The following PRRC2B variants were observed in gnomAD, a reference collection of about 807,000 sequenced individuals.
PRRC2B encodes the protein proline rich coiled-coil 2B.
Under a neutral mutation model 242.3 loss-of-function variants are expected in PRRC2B, and 68 were observed. The ratio of observed to expected loss-of-function variants is 0.28; its 90% CI spans 0.23 to 0.34. The LOEUF (loss-of-function observed/expected upper bound fraction) is 0.34, where lower values mean the gene tolerates loss of function less well. Ranked by LOEUF, PRRC2B falls within the 10% of genes least tolerant of loss-of-function variation. The pLI is 1.00. For missense variants in PRRC2B, 2,835 were observed against 2,954.8 expected, an observed-to-expected ratio of 0.96 and a Z score of 0.94; for synonymous variants, 1,228 against 1,173.6, an observed-to-expected ratio of 1.05 and a Z score of -0.95.
rs11243397 is a variant in PRRC2B, at chr9:131,439,930, A to G, written c.469+869A>G. On this transcript the variant is annotated intron_variant, in intron 5 of 31. Coordinates refer to ENST00000683519, the MANE Select transcript of PRRC2B (RefSeq NM_013318.4). ...TTTTTTTTTTCTTTCCATTCTGAGT[A>G]GAGACAAGATTTCACTATGTTGCCC... Among the ~76,000 whole-genome samples, 27 of 150,936 alleles carry G rather than the reference A, an allele frequency of 1.8e-4. 1 individual carries two copies. In the East Asian group the frequency reaches 4.5e-3, roughly 25 times the overall value.
At chr9:131,393,523 A>G (rs563630466), upstream of PRRC2B, among the ~76,000 whole-genome samples, 4 of 152,346 alleles carry the variant, frequency 2.6e-5, no homozygotes, top group South Asian at 8.3e-4. Context: ...AAGTACCCAT[A>G]TTGTGCAACA....
intron 6 of PRRC2B, among the ~76,000 whole-genome samples, chr9:131,445,942 G>A (rs989496567): frequency 6.6e-6 from 1 of 152,206 alleles, no homozygotes; most frequent in African/African-American, 2.4e-5. Context: ...TGGGCTGGGG[G>A]ATCTTTATTA....
chr9:131,410,517 A>G (rs1438115161), intron 1 of PRRC2B, among the ~76,000 whole-genome samples: 1 of 152,194 alleles, frequency 6.6e-6, no homozygotes, highest in Non-Finnish European at 1.5e-5. Context: ...CCAGTGCCCA[A>G]CACTGCCCAA....
rs1363242363 is a variant in PRRC2B at position 131,420,451 on chromosome 9, CTTTT to C, written c.-51-9641_-51-9638del. 1.1e-3 allele frequency among the ~76,000 whole-genome samples: 48 copies of C among 44,384 alleles called. 3 individuals are homozygous for C. Among genetic ancestry groups the C allele is most frequent in the East Asian group, 3.4e-3 (5 of 1,464 alleles). 29.1% of individuals were successfully genotyped at this position (44,384 alleles called of 152,430 possible). ...GCTTTTCTTTTTTCTTTTTCTTTTTCTTTTTCTTTCTTTCTTTCTTTCTTTCTTT... is the reference window on the plus strand; with the variant it reads ...GCTTTTCTTTTTTCTTTTTCTTTTTCTCTTTCTTTCTTTCTTTCTTTCTTT... On this transcript the variant is annotated intron_variant, in intron 1 of 31. Coordinates refer to ENST00000683519, the MANE Select transcript of PRRC2B (RefSeq NM_013318.4).
intron 1 of PRRC2B, among the ~76,000 whole-genome samples, chr9:131,378,632 C>T (rs886718083): frequency 6.6e-5 from 10 of 152,170 alleles, no homozygotes; most frequent in African/African-American, 2.2e-4. Flanking sequence ...CCATTCTCTT[C>T]AGAGGAGAAA....
At chr9:131,478,707 T>C (rs1236719137) in intron 18 of PRRC2B, 88 bp downstream of exon 18, 2 of 905,586 alleles carry the variant, frequency 2.2e-6, no homozygotes, top group African/African-American at 3.3e-5. Flanking sequence ...AAGGGAGTTC[T>C]CGGTCAAGCT....
rs1473997024 is a variant in PRRC2B, at chr9:131,446,575, A to G, written c.788A>G (p.Lys263Arg). 1 of 1,613,806 alleles carries G rather than the reference A, an allele frequency of 6.2e-7. No homozygotes were observed. Among genetic ancestry groups the G allele is most frequent in the African/African-American group, 1.3e-5 (1 of 74,896 alleles). ...CTCCGCCCGGCTCAGCCTGTCCGAA[A>G]AGGGGCTTCACAGTTCATGGGAAAT... ...PSLRPAQPVR[K>R]GASQFMGNVY... The change falls in exon 7 of 32, where the codon AAA becomes AGA. Residue 263 changes from lysine to arginine, a missense_variant. Lys to Arg is a conservative substitution (Grantham distance 26, BLOSUM62 2). Around this residue, in one of 7 missense-constraint regions of PRRC2B, gnomAD observed 626 missense variants for 685.5 expected, o/e 0.91. Coordinates refer to ENST00000683519, the MANE Select transcript of PRRC2B (RefSeq NM_013318.4). This position sits in a 1 kb window ranked among gnomAD's most constrained non-coding sequence, Gnocchi z 4.1.
chr9:131,455,929 A>G (rs1405026846), intron 10 of PRRC2B, among the ~76,000 whole-genome samples: 3 of 152,054 alleles, frequency 2.0e-5, no homozygotes, highest in Non-Finnish European at 4.4e-5. Context: ...CCTGCCCAAG[A>G]TGGTGAAACC....
rs531120633 is a variant in PRRC2B at position 131,470,635 on chromosome 9, C to T, written c.1912-153C>T. ...AAGCTGTAACACACTGGGGGCTTCC[C>T]CTTGAGCAGCTGCCCATCCCTCCCC... On this transcript the variant is annotated intron_variant, in intron 13 of 31. Transcript: ENST00000683519. Among the ~76,000 whole-genome samples, 75 of 152,198 alleles carry T rather than the reference C, an allele frequency of 4.9e-4. No individual in the cohort carries two copies. The South Asian group carries it at 9.6e-3, about 19-fold the overall frequency.
In PRRC2B at chr9:131,448,545, A is replaced by AAAAAAAAAAAAAAAAAAC. The variant is rs1564287268; in HGVS notation, c.1120+758_1120+759insCAAAAAAAAAAAAAAAAA. On this transcript the variant is annotated intron_variant, in intron 9 of 31. Transcript: ENST00000683519. ...GGCGACAGAGGGAGACACTGTCTCA[A>AAAAAAAAAAAAAAAAAAC]AAAAAAAAAAAAAAAAAAAAAAAAA... Among the ~76,000 whole-genome samples, 3 of 100,486 alleles carry AAAAAAAAAAAAAAAAAAC rather than the reference A, an allele frequency of 3.0e-5. 1 individual carries two copies. Among genetic ancestry groups the AAAAAAAAAAAAAAAAAAC allele is most frequent in the Non-Finnish European group, 2.0e-5 (1 of 49,606 alleles). 65.9% of individuals were successfully genotyped at this position (100,486 alleles called of 152,430 possible).
chr9:131,465,798 C>T (rs1052744939), intron 12 of PRRC2B, among the ~76,000 whole-genome samples: 10 of 152,072 alleles, frequency 6.6e-5, no homozygotes, highest in African/African-American at 2.4e-4. Flanking sequence ...GATCTCTGCT[C>T]ACTGCAACCT....
At chr9:131,447,005 A>T (rs1188627571) in intron 7 of PRRC2B, 80 bp from the exon 8 acceptor site, 5 of 1,578,474 alleles carry the variant, frequency 3.2e-6, no homozygotes, top group Non-Finnish European at 4.3e-6. Flanking sequence ...TTTCCACTTT[A>T]TAAAACACAT....
intron 13 of PRRC2B, 149 bp from the exon 14 acceptor site, chr9:131,470,639 G>A: frequency 1.6e-6 from 1 of 632,980 alleles, no homozygotes; most frequent in South Asian, 1.9e-5. Flanking sequence ...GCTTCCCCTT[G>A]AGCAGCTGCC....
Position 131,464,911 on chromosome 9 carries a change from G to T in PRRC2B, c.1553G>T (p.Arg518Leu), listed in dbSNP as rs770117075. 2.5e-6 allele frequency: 4 copies of T among 1,613,530 alleles called. No individual in the cohort carries two copies. The highest frequency in any genetic ancestry group is 1.7e-4 in the Middle Eastern group (1 of 6,054). The part of the protein sequence containing the change: ...KRREEEERRA[R>L]EERLAACAAK... ...CGGGAAGAAGAGGAGCGCCGAGCCCGGGAGGAGAGGCTGGCCGCCTGTGCT... is the reference window on the plus strand; with the variant it reads ...CGGGAAGAAGAGGAGCGCCGAGCCCTGGAGGAGAGGCTGGCCGCCTGTGCT... The change falls in exon 12 of 32, where the codon CGG becomes CTG. Residue 518 changes from arginine (R) to leucine (L), a missense_variant. Physicochemically the swap from Arg to Leu is moderately radical, Grantham distance 102 (BLOSUM62 -2). Coordinates refer to ENST00000683519, the MANE Select transcript of PRRC2B (RefSeq NM_013318.4).
chr9:131,474,498 T>G lies in PRRC2B; in HGVS notation c.2369T>G (p.Val790Gly), dbSNP rs372604907. 2.5e-6 allele frequency: 4 copies of G among 1,613,856 alleles called. No homozygotes were observed. Among genetic ancestry groups the G allele is most frequent in the Middle Eastern group, 1.6e-4 (1 of 6,064 alleles). Reference sequence around the variant, plus strand: ...GCCTCACTCGGAAGGGCAGGGGGCGTAAGTGCTCAGCGCGATCTCTTTGAG... The same window carrying G: ...GCCTCACTCGGAAGGGCAGGGGGCGGAAGTGCTCAGCGCGATCTCTTTGAG... The part of the protein sequence containing the change: ...FSASLGRAGG[V>G]SAQRDLFEER... Residue 790 changes from valine to glycine, a missense_variant, in exon 16 of 32, where the codon GTA becomes GGA. By Grantham distance (109) the Val-to-Gly change is moderately radical (BLOSUM62 -3). This residue lies in a region of PRRC2B where 1,536 missense variants were observed against 1,483.1 expected (regional missense o/e 1.04). Transcript: ENST00000683519.
chr9:131,456,935 G>A (rs1180961862), intron 10 of PRRC2B, among the ~76,000 whole-genome samples: 2 of 152,074 alleles, frequency 1.3e-5, no homozygotes, highest in Non-Finnish European at 2.9e-5. Flanking sequence ...ACTGCTTTCC[G>A]TTAAAATGTA....
chr9:131,422,020 G>T (rs1254354617), intron 1 of PRRC2B, among the ~76,000 whole-genome samples: 1 of 152,028 alleles, frequency 6.6e-6, no homozygotes, highest in African/African-American at 2.4e-5. Context: ...GTGACCTTGG[G>T]TGCGTTACTT....
At chr9:131,453,105 T>G (rs137900622) in intron 9 of PRRC2B, among the ~76,000 whole-genome samples, 21 of 152,378 alleles carry the variant, frequency 1.4e-4, no homozygotes, top group Admixed American at 4.6e-4. Flanking sequence ...AAGCTGCTAT[T>G]AGGCATACAC....
chr9:131,446,342 T>C lies in PRRC2B; in HGVS notation c.614-59T>C. The C allele has an allele frequency of 2.5e-6, 4 of 1,594,370 alleles. No homozygotes were observed. The highest frequency in any genetic ancestry group is 3.4e-6 in the Non-Finnish European group (4 of 1,169,906). On this transcript the variant is annotated intron_variant, in intron 6 of 31. Transcript: ENST00000683519. This position sits in a 1 kb window ranked among gnomAD's most constrained non-coding sequence, Gnocchi z 4.1. ...GGGTCCCTTGACCTTCAGAACCTCA[T>C]ACGATCCCTCCTTCCCCCTCCTCTT...
Sources: gnomAD v4.1 joint callset for allele counts (sites outside exome capture counted in the v4.1 genomes callset) on GRCh38, gnomAD v4.1.1 for gene constraint, gnomAD v4.1.1 regional missense constraint, Gnocchi (gnomAD v3.1) non-coding constraint, MANE v1.5 for transcripts, NCBI Gene and HGNC (gene_info 2026-07-23, HGNC 2026-07-21) for gene names.